Variants in IGF2R observed in about 807,000 individuals in gnomAD.
IGF2R encodes the protein insulin like growth factor 2 receptor.
IGF2R carries 91 observed loss-of-function variants against 270.6 expected under a neutral mutation model. The ratio of observed to expected loss-of-function variants is 0.34; its 90% CI spans 0.28 to 0.40. IGF2R has a LOEUF of 0.40. Among genes scored for constraint, IGF2R ranks in the 10% least tolerant of loss-of-function variants. The pLI, the probability that IGF2R is intolerant of heterozygous loss-of-function variation, is 1.00. For synonymous variants in IGF2R, 1,316 were observed against 1,258.9 expected (o/e 1.05, Z -0.96); for missense variants, 2,805 against 3,188.3 (o/e 0.88, Z 2.90).
At chr6:159,987,726 A>G (rs1387800571) in intron 1 of IGF2R, among the ~76,000 whole-genome samples, 1 of 152,234 alleles carries the variant, frequency 6.6e-6, no homozygotes, top group Non-Finnish European at 1.5e-5. Context: ...TGTCCGTTGA[A>G]ACATCAGAAT....
Position 160,050,365 on chromosome 6 carries a change from A to C in IGF2R, c.2515-108A>C. On this transcript the variant is annotated intron_variant, in intron 18 of 47. Coordinates refer to ENST00000356956, the MANE Select transcript of IGF2R (RefSeq NM_000876.4). The surrounding 1 kb of genome is among the most constrained non-coding windows in gnomAD (Gnocchi z 4.0). ...ATTTCCCCAGGAGCAGTGGTTCTGT[A>C]TTCAATAATTCATTGTTTGCTGCAG... 1.8e-6 allele frequency: 2 copies of C among 1,094,520 alleles called. No individual in the cohort carries two copies. Among genetic ancestry groups the C allele is most frequent in the Non-Finnish European group, 2.7e-6 (2 of 748,430 alleles). 67.8% of individuals were successfully genotyped at this position (1,094,520 alleles called of 1,614,324 possible). A position where few individuals can be genotyped will look rare whatever the true frequency, so the allele number is the denominator to read the frequency against.
At position 160,050,623 on chromosome 6, in the gene IGF2R, A is replaced by C. The variant is rs374454730; in HGVS notation, c.2665A>C (p.Ile889Leu). Residue 889 changes from isoleucine (I) to leucine (L), a missense_variant, in exon 19 of 48, where the codon ATC (isoleucine) becomes CTC (leucine). Around this residue, in one of 2 missense-constraint regions of IGF2R, gnomAD observed 1,851 missense variants for 2,207.2 expected, o/e 0.84. Coordinates refer to ENST00000356956, the MANE Select transcript of IGF2R (RefSeq NM_000876.4). The surrounding 1 kb of genome is among the most constrained non-coding windows in gnomAD (Gnocchi z 4.0). Reference sequence around the variant, plus strand: ...CAGACAGACCACATATACCACGAGGATCCATCTCGTCTGCTCCAGGGGCAG... The same window carrying C: ...CAGACAGACCACATATACCACGAGGCTCCATCTCGTCTGCTCCAGGGGCAG... ...DGRQTTYTTR[I>L]HLVCSRGRLN... The C allele has an allele frequency of 9.9e-6, 16 of 1,612,150 alleles. No individual in the cohort carries two copies. Among genetic ancestry groups the C allele is most frequent in the African/African-American group, 2.7e-5 (2 of 75,008 alleles).
At chr6:160,080,309 TG>T in intron 39 of IGF2R, 34 bp downstream of exon 39, 1 of 1,603,312 alleles carries the variant, frequency 6.2e-7, no homozygotes, top group South Asian at 1.1e-5. Context: ...CCACATGGCC[TG>T]GGGCCTTGAT....
intron 9 of IGF2R, among the ~76,000 whole-genome samples, chr6:160,034,165 T>G (rs1777761263): frequency 6.6e-6 from 1 of 152,248 alleles, no homozygotes; most frequent in African/African-American, 2.4e-5. Flanking sequence ...AAGAGAAGTC[T>G]TCATGCTCAC....
intron 39 of IGF2R, among the ~76,000 whole-genome samples, chr6:160,083,616 C>T (rs781138825): frequency 1.3e-5 from 2 of 152,236 alleles, no homozygotes; most frequent in Non-Finnish European, 2.9e-5. Context: ...TGCGGCCTTC[C>T]GCAGTGCATT....
chr6:160,069,774 T>C, intron 30 of IGF2R, 94 bp from the exon 31 acceptor site: 2 of 1,114,818 alleles, frequency 1.8e-6, no homozygotes, highest in Non-Finnish European at 2.6e-6. Context: ...GCGTATGAAG[T>C]TCTGCAGCGT....
At chr6:160,030,413 G>T (rs1416725271) in intron 7 of IGF2R, among the ~76,000 whole-genome samples, 3 of 152,326 alleles carry the variant, frequency 2.0e-5, no homozygotes, top group African/African-American at 7.2e-5. Flanking sequence ...AATTTGCTCT[G>T]ACGTCAGGCT....
At chr6:160,049,495 GC>G (rs990688251) in intron 18 of IGF2R, among the ~76,000 whole-genome samples, 11 of 152,174 alleles carry the variant, frequency 7.2e-5, no homozygotes, top group African/African-American at 2.7e-4. Flanking sequence ...GCAGTGCAGT[GC>G]AAAAGCTCCA....
intron 10 of IGF2R, among the ~76,000 whole-genome samples, chr6:160,036,589 C>T (rs896492162): frequency 6.6e-6 from 1 of 152,076 alleles, no homozygotes; most frequent in African/African-American, 2.4e-5. Context: ...GTGTGCTGAT[C>T]TCATTTGGGG....
At chr6:160,052,952 A>C (rs1169600883) in intron 19 of IGF2R, among the ~76,000 whole-genome samples, 1 of 152,226 alleles carries the variant, frequency 6.6e-6, no homozygotes, top group African/African-American at 2.4e-5. Flanking sequence ...TAAAGACTTA[A>C]ATGTTAGACC....
In IGF2R at chr6:159,986,376, C is replaced by T. The variant is rs187285558; in HGVS notation, c.150-4808C>T. On this transcript the variant is annotated intron_variant, in intron 1 of 47. Transcript: ENST00000356956. ...CCTCCCGAGTAGTTGGGACTATAAG[C>T]GTGCGCGACCATGCCTGGCTAATTT... 4.7e-5 allele frequency among the ~76,000 whole-genome samples: 7 copies of T among 149,994 alleles called. No individual in the cohort carries two copies. The East Asian group carries it at 1.4e-3, about 29-fold the overall frequency.
At position 160,064,788 on chromosome 6, in the gene IGF2R, C is replaced by A; in HGVS notation, c.4018-16C>A. ...TGCATTCTCACTTTTATATATGTGC[C>A]TCTTAACTTTTTTAGCCAGTATTTC... is the stretch of plus-strand genomic sequence containing the variant. On this transcript the variant is annotated splice_polypyrimidine_tract_variant and intron_variant, in intron 28 of 47. Transcript: ENST00000356956. 1 of 1,564,016 alleles carries A rather than the reference C, an allele frequency of 6.4e-7. No individual in the cohort carries two copies. Among genetic ancestry groups the A allele is most frequent in the Non-Finnish European group, 8.8e-7 (1 of 1,134,540 alleles).
chr6:160,062,680 C>A, intron 26 of IGF2R, 61 bp downstream of exon 26: 1 of 1,219,766 alleles, frequency 8.2e-7, no homozygotes, highest in South Asian at 1.3e-5. Flanking sequence ...ACGTTCTGAA[C>A]GATGCCTTAG....
chr6:160,050,365 A>G lies in IGF2R; in HGVS notation c.2515-108A>G, dbSNP rs1188422090. On this transcript the variant is annotated intron_variant, in intron 18 of 47. Transcript: ENST00000356956. This position sits in a 1 kb window ranked among gnomAD's most constrained non-coding sequence, Gnocchi z 4.0. The stretch of plus-strand genomic sequence containing the variant: ...ATTTCCCCAGGAGCAGTGGTTCTGT[A>G]TTCAATAATTCATTGTTTGCTGCAG... 1.5e-5 allele frequency: 16 copies of G among 1,094,400 alleles called. No homozygotes were observed. The highest frequency in any genetic ancestry group is 2.1e-5 in the Non-Finnish European group (16 of 748,438). 67.8% of individuals were successfully genotyped at this position (1,094,400 alleles called of 1,614,324 possible).
chr6:160,019,044 A>G (rs918538503), intron 4 of IGF2R, among the ~76,000 whole-genome samples: 1 of 152,114 alleles, frequency 6.6e-6, no homozygotes, highest in Non-Finnish European at 1.5e-5. Context: ...TGGAAAGATA[A>G]TATTCATAGA....
At chr6:160,085,201 A>C in intron 41 of IGF2R, 70 bp downstream of exon 41, 1 of 1,510,990 alleles carries the variant, frequency 6.6e-7, no homozygotes, top group East Asian at 2.4e-5. Context: ...GGGTGTTCTC[A>C]GGATGGCAAG....
Position 160,071,228 on chromosome 6 carries a change from GGTGGGGGTGT to G in IGF2R, c.4444-679_4444-670del, listed in dbSNP as rs1329656921. The stretch of plus-strand genomic sequence containing the variant: ...CAGACCCAGGAGGCTGGGAGGGAAG[GGTGGGGGTGT>G]GTCGAGGCCCCTGTGCCCAGGGCCC... On this transcript the variant is annotated intron_variant, in intron 31 of 47. Transcript: ENST00000356956. Among the ~76,000 whole-genome samples, 55 of 139,394 alleles carry G rather than the reference GGTGGGGGTGT, an allele frequency of 3.9e-4. 1 individual carries two copies. The highest frequency in any genetic ancestry group is 1.2e-3 in the African/African-American group (45 of 36,890). 91.4% of individuals were successfully genotyped at this position (139,394 alleles called of 152,430 possible). A position where few individuals can be genotyped will look rare whatever the true frequency, so the allele number is the denominator to read the frequency against.
intron 47 of IGF2R, among the ~76,000 whole-genome samples, chr6:160,104,155 G>A (rs2297371): frequency 0.2 from 30,093 of 151,944 alleles, 3,373 homozygotes; most frequent in East Asian, 0.4. Flanking sequence ...TTTCTTTCAG[G>A]TAAATTTGCA....
At position 160,110,470 on chromosome 6, in the gene IGF2R, C is replaced by T. The variant is rs1482216135; in HGVS notation, c.*5386C>T. The T allele has an allele frequency of 6.6e-6, 1 of 152,208 alleles. No individual in the cohort carries two copies. The highest frequency in any genetic ancestry group is 1.5e-5 in the Non-Finnish European group (1 of 68,048). The allele number at this position is 152,208 out of a possible 1,614,324, so 9.4% of individuals were successfully genotyped here. A position where few individuals can be genotyped will look rare whatever the true frequency, so the allele number is the denominator to read the frequency against. On this transcript the variant is annotated 3_prime_UTR_variant, in exon 48 of 48. Transcript: ENST00000356956. ...ATGTGGAGAAAAGCGAACACTTGTCCACCTTTGGTGAGAATGTAAATTGGT... is the reference window on the plus strand; with the variant it reads ...ATGTGGAGAAAAGCGAACACTTGTCTACCTTTGGTGAGAATGTAAATTGGT...
Sources: gnomAD v4.1 joint callset for allele counts (sites outside exome capture counted in the v4.1 genomes callset) on GRCh38, gnomAD v4.1.1 for gene constraint, gnomAD v4.1.1 regional missense constraint, Gnocchi (gnomAD v3.1) non-coding constraint, MANE v1.5 for transcripts, NCBI Gene and HGNC (gene_info 2026-07-23, HGNC 2026-07-21) for gene names.